ZFPM1: variants seen among roughly 807,000 people sequenced by gnomAD.
ZFPM1 encodes zinc finger protein, FOG family member 1, also known as zinc finger protein ZFPM1.
Under a neutral mutation model 46.3 loss-of-function variants are expected in ZFPM1, and 28 were observed. That is an observed-to-expected ratio of 0.60 (90% CI 0.45 to 0.83). ZFPM1 has a LOEUF of 0.83. Ranked by LOEUF, ZFPM1 falls within the 40% of genes least tolerant of loss-of-function variation. The pLI, the probability that ZFPM1 is intolerant of heterozygous loss-of-function variation, is 0.00. For synonymous variants in ZFPM1, 957 were observed against 675.9 expected (o/e 1.42, Z -6.45); for missense variants, 1,878 against 1,432.4 (o/e 1.31, Z -5.02).
chr16:88,492,405 C>T (rs762935483), intron 3 of ZFPM1, among the ~76,000 whole-genome samples: 4 of 152,212 alleles, frequency 2.6e-5, no homozygotes, highest in Non-Finnish European at 4.4e-5. Context: ...TGGGAGGTGC[C>T]GTCCTCCTTT....
intron 2 of ZFPM1, among the ~76,000 whole-genome samples, chr16:88,488,004 C>T (rs936057846): frequency 2.6e-5 from 4 of 152,374 alleles, no homozygotes; most frequent in Middle Eastern, 3.4e-3. Context: ...CCTGGCCAGT[C>T]CCGGGGCCGG....
intron 3 of ZFPM1, among the ~76,000 whole-genome samples, chr16:88,502,955 C>G (rs1910452307): frequency 6.6e-6 from 1 of 152,248 alleles, no homozygotes; most frequent in Non-Finnish European, 1.5e-5. Context: ...CCGCCTTTAG[C>G]TGTCGTTCCT....
chr16:88,477,811 G>A (rs984851198), intron 1 of ZFPM1, among the ~76,000 whole-genome samples: 1 of 152,240 alleles, frequency 6.6e-6, no homozygotes, highest in Admixed American at 6.5e-5. Flanking sequence ...AGTGAGTCAG[G>A]GCTCAGGGCC....
intron 3 of ZFPM1, among the ~76,000 whole-genome samples, chr16:88,512,311 G>A (rs981207496): frequency 1.3e-5 from 2 of 152,130 alleles, no homozygotes; most frequent in African/African-American, 4.8e-5. Context: ...GGTGTGATAC[G>A]CGGCAGGTGT....
At chr16:88,460,922 CGGGGCGGG>C (rs1907797003) in intron 1 of ZFPM1, among the ~76,000 whole-genome samples, 951 of 27,192 alleles carry the variant, frequency 0.035, 40 homozygotes, top group African/African-American at 0.1. Context: ...GACCGAGGGG[CGGGGCGGG>C]AGGCCTGGTG....
chr16:88,473,652 G>C (rs1449256119), intron 1 of ZFPM1, among the ~76,000 whole-genome samples: 1 of 152,060 alleles, frequency 6.6e-6, no homozygotes, highest in African/African-American at 2.4e-5. Flanking sequence ...CGCGGCCCCC[G>C]CCCCATCTAT....
At chr16:88,465,699 T>C (rs1357208043) in intron 1 of ZFPM1, among the ~76,000 whole-genome samples, 2 of 152,114 alleles carry the variant, frequency 1.3e-5, no homozygotes, top group African/African-American at 4.8e-5. Context: ...CCGGCTTGGC[T>C]CCCACCCTGT....
chr16:88,495,150 T>G (rs1909865331), intron 3 of ZFPM1, among the ~76,000 whole-genome samples: 1 of 152,168 alleles, frequency 6.6e-6, no homozygotes, highest in South Asian at 2.1e-4. Flanking sequence ...CCAGCCCCAC[T>G]AGGACTTGGA....
chr16:88,528,491 G>A (rs1481642281), intron 6 of ZFPM1, among the ~76,000 whole-genome samples: 3 of 152,198 alleles, frequency 2.0e-5, no homozygotes, highest in African/African-American at 7.2e-5. Flanking sequence ...GCACAGACTC[G>A]GCTCTGCCCC....
At position 88,464,068 on chromosome 16, in the gene ZFPM1, G is replaced by A. The variant is rs1230536952; in HGVS notation, c.40+10390G>A. ...TTGTTCTATACCCCGTGGTCCATCG[G>A]TCAATCCTTGGGGGCTGGAAGGAAT... On this transcript the variant is annotated intron_variant, in intron 1 of 9. Coordinates refer to ENST00000319555, the MANE Select transcript of ZFPM1 (RefSeq NM_153813.3). Among the ~76,000 whole-genome samples, 5 of 152,366 alleles carry A rather than the reference G, an allele frequency of 3.3e-5. No individual in the cohort carries two copies. In the East Asian group the frequency reaches 9.6e-4, roughly 29 times the overall value.
chr16:88,479,317 T>C (rs1908822105), intron 1 of ZFPM1, among the ~76,000 whole-genome samples: 1 of 152,024 alleles, frequency 6.6e-6, no homozygotes, highest in Admixed American at 6.5e-5. Context: ...ATTCACGGGA[T>C]GAGAGATGCT....
Position 88,533,408 on chromosome 16 carries a change from C to G in ZFPM1, c.1450C>G (p.Gln484Glu), listed in dbSNP as rs772863687. The change falls in exon 10 of 10, where the codon CAG becomes GAG. Residue 484 changes from glutamine (Q) to glutamate (E), a missense_variant. Physicochemically the swap from Gln to Glu is conservative, Grantham distance 29. Transcript: ENST00000319555. ...PILGPGEPGPQAPSRTPSPRS... is the reference protein window; with the variant it reads ...PILGPGEPGPEAPSRTPSPRS... ...CCTGGGCCCCGGAGAGCCTGGGCCC[C>G]AGGCCCCGTCGCGGACGCCGTCGCC... 15 of 1,499,726 alleles carry G rather than the reference C, an allele frequency of 1.0e-5. No homozygotes were observed. In the South Asian group the frequency reaches 1.7e-4, roughly 17 times the overall value. 92.9% of individuals were successfully genotyped at this position (1,499,726 alleles called of 1,614,324 possible).
chr16:88,472,381 G>A (rs1294867242), intron 1 of ZFPM1, among the ~76,000 whole-genome samples: 2 of 146,378 alleles, frequency 1.4e-5, no homozygotes, highest in Non-Finnish European at 3.0e-5. Context: ...TTGAGACTGA[G>A]TCTCGCTGTG....
chr16:88,504,138 C>T (rs1910526371), intron 3 of ZFPM1, among the ~76,000 whole-genome samples: 2 of 151,976 alleles, frequency 1.3e-5, no homozygotes, highest in African/African-American at 4.8e-5. Flanking sequence ...CCCCAGGGGG[C>T]AAATGAACAG....
At chr16:88,503,055 C>T (rs74035512) in intron 3 of ZFPM1, among the ~76,000 whole-genome samples, 25,421 of 152,248 alleles carry the variant, frequency 0.17, 2,741 homozygotes, top group African/African-American at 0.3. Flanking sequence ...CGCTGCTCCG[C>T]GGGGCAGGGT....
chr16:88,454,399 G>A (rs1907442175), intron 1 of ZFPM1, among the ~76,000 whole-genome samples: 1 of 152,216 alleles, frequency 6.6e-6, no homozygotes, highest in South Asian at 2.1e-4. Flanking sequence ...CCCTGCAAGT[G>A]TCCCAGCCAA....
chr16:88,499,834 G>A (rs947221243), intron 3 of ZFPM1, among the ~76,000 whole-genome samples: 4 of 152,158 alleles, frequency 2.6e-5, no homozygotes, highest in Admixed American at 2.6e-4. Context: ...CACCCATCCA[G>A]CCTCTCCGGG....
In ZFPM1 at chr16:88,534,501, C is replaced by G. The variant is rs1416786439; in HGVS notation, c.2543C>G (p.Ala848Gly). Reference protein sequence around the residue: ...YSCPAAPPPGALGLPAAACPY... With the variant: ...YSCPAAPPPGGLGLPAAACPY... ...TGCCCCGCTGCGCCACCGCCCGGCG[C>G]GCTCGGCCTGCCCGCCGCCGCCTGC... Residue 848 changes from alanine (A) to glycine (G), a missense_variant, in exon 10 of 10, where the codon GCG becomes GGG. Coordinates refer to ENST00000319555, the MANE Select transcript of ZFPM1 (RefSeq NM_153813.3). 2 of 1,459,358 alleles carry G rather than the reference C, an allele frequency of 1.4e-6. No individual in the cohort carries two copies. Among genetic ancestry groups the G allele is most frequent in the Non-Finnish European group, 1.8e-6 (2 of 1,110,326 alleles). 90.4% of individuals were successfully genotyped at this position (1,459,358 alleles called of 1,614,324 possible).
Position 88,502,648 on chromosome 16 carries a change from G to A in ZFPM1, c.269-11739G>A, listed in dbSNP as rs528823354. Among the ~76,000 whole-genome samples the A allele has an allele frequency of 7.2e-4, 109 of 152,328 alleles. No homozygotes were observed. In the East Asian group the frequency reaches 7.5e-3, roughly 11 times the overall value. The stretch of plus-strand genomic sequence containing the variant: ...GCCGAGGGTCCCCACCTCGCAGGTC[G>A]GAGCCACCCGGTCCGGGCTGCCCCA... On this transcript the variant is annotated intron_variant, in intron 3 of 9. Transcript: ENST00000319555.
Sources: allele counts gnomAD v4.1 joint callset (sites outside exome capture counted in the v4.1 genomes callset), GRCh38; gene constraint gnomAD v4.1.1; transcripts MANE v1.5; gene names NCBI Gene and HGNC (gene_info 2026-07-23, HGNC 2026-07-21).